Variants in UNC13C observed in about 807,000 individuals in gnomAD.
The protein encoded by UNC13C is protein unc-13 homolog C.
UNC13C carries 174 observed loss-of-function variants against 245.4 expected under a neutral mutation model. The ratio of observed to expected loss-of-function variants is 0.71; its 90% confidence interval spans 0.63 to 0.80. The LOEUF is 0.80. Ranked by LOEUF, UNC13C falls within the 30% of genes least tolerant of loss-of-function variation. UNC13C has a pLI of 0.00. For synonymous variants in UNC13C, 992 were observed against 895.1 expected (o/e 1.11, Z -1.93); for missense variants, 2,829 against 2,602.9 (o/e 1.09, Z -1.89).
intron 24 of UNC13C, among the ~76,000 whole-genome samples, chr15:54,514,581 G>T (rs1894886168): frequency 6.6e-6 from 1 of 152,198 alleles, no homozygotes; most frequent in Admixed American, 6.5e-5. Context: ...TCTAACAACA[G>T]CATTGCTTTC....
chr15:54,008,757 G>T (rs560882142), intron 1 of UNC13C, among the ~76,000 whole-genome samples: 1 of 152,038 alleles, frequency 6.6e-6, no homozygotes, highest in African/African-American at 2.4e-5. Context: ...TGGGTGTAAG[G>T]GTTTGTGTCA....
At chr15:54,302,098 G>T (rs997136685) in intron 13 of UNC13C, among the ~76,000 whole-genome samples, 3 of 152,150 alleles carry the variant, frequency 2.0e-5, no homozygotes, top group Admixed American at 1.3e-4. Flanking sequence ...CTTTTGAGAA[G>T]TGTAAGTACA....
intron 2 of UNC13C, among the ~76,000 whole-genome samples, chr15:54,036,949 G>C (rs546332876): frequency 2.6e-5 from 4 of 152,228 alleles, no homozygotes; most frequent in Non-Finnish European, 4.4e-5. Flanking sequence ...CTTAAGTCAC[G>C]AGAAGCAGGC....
chr15:54,301,454 A>G (rs998579107), intron 13 of UNC13C, among the ~76,000 whole-genome samples: 12 of 151,896 alleles, frequency 7.9e-5, no homozygotes, highest in African/African-American at 2.4e-4. Flanking sequence ...CTACGCCCCA[A>G]CAGGCCCCGG....
chr15:54,237,620 C>A lies in UNC13C; in HGVS notation c.3158C>A (p.Thr1053Asn). 1 of 1,611,090 alleles carries A rather than the reference C, an allele frequency of 6.2e-7. No homozygotes were observed. Among genetic ancestry groups the A allele is most frequent in the South Asian group, 1.1e-5 (1 of 89,990 alleles). ...TLPIVRDVAM[T>N]LAARKSGLSL... ...AAGTCATAATTCTGTTTGTTTTAGA[C>A]CCTGGCTGCCCGGAAATCTGGACTC... The change falls in exon 7 of 33, where the codon ACC (threonine) becomes AAC (asparagine). Residue 1053 changes from threonine (T) to asparagine (N), a missense_variant and splice_region_variant. Thr to Asn is a moderately conservative substitution (Grantham distance 65). Transcript: ENST00000260323.
At chr15:54,379,574 C>T (rs1216578567) in intron 17 of UNC13C, among the ~76,000 whole-genome samples, 1 of 152,024 alleles carries the variant, frequency 6.6e-6, no homozygotes, top group Non-Finnish European at 1.5e-5. Context: ...TTCATAAGAG[C>T]AGTGCTATGT....
At chr15:54,463,634 C>T (rs1596422554) in intron 19 of UNC13C, among the ~76,000 whole-genome samples, 1 of 152,090 alleles carries the variant, frequency 6.6e-6, no homozygotes, top group Admixed American at 6.6e-5. Flanking sequence ...AAGGAAGAAA[C>T]TCCGAACACA....
intron 2 of UNC13C, among the ~76,000 whole-genome samples, chr15:54,107,540 G>C (rs1382339006): frequency 1.3e-5 from 2 of 152,112 alleles, no homozygotes; most frequent in Non-Finnish European, 2.9e-5. Flanking sequence ...CTACAGGAGA[G>C]GAAGTGAAGT....
At chr15:54,137,361 G>A (rs10851557) in intron 2 of UNC13C, among the ~76,000 whole-genome samples, 142,615 of 152,192 alleles carry the variant, frequency 0.94, 67,526 homozygotes, top group East Asian at 1. Context: ...GGCCCATAAA[G>A]TGAGCTGTAA....
At chr15:54,593,380 C>T (rs1898906111) in intron 30 of UNC13C, among the ~76,000 whole-genome samples, 1 of 152,074 alleles carries the variant, frequency 6.6e-6, no homozygotes, top group African/African-American at 2.4e-5. Flanking sequence ...GAGAAGTTTT[C>T]CTCGATTATT....
chr15:54,334,107 G>T (rs1337875023), intron 16 of UNC13C, among the ~76,000 whole-genome samples: 1 of 152,074 alleles, frequency 6.6e-6, no homozygotes, highest in East Asian at 1.9e-4. Context: ...CTTAGAGAAA[G>T]CTCTCTAGTA....
intron 2 of UNC13C, among the ~76,000 whole-genome samples, chr15:54,025,168 C>T (rs570749093): frequency 4.6e-5 from 7 of 152,264 alleles, no homozygotes; most frequent in Non-Finnish European, 7.4e-5. Flanking sequence ...CTCCCTCATC[C>T]CTCCAAGCAT....
At chr15:54,567,668 G>A (rs1319501486) in intron 29 of UNC13C, 132 bp from the exon 30 acceptor site, 2 of 828,294 alleles carry the variant, frequency 2.4e-6, no homozygotes, top group Admixed American at 3.2e-5. Flanking sequence ...ATGGGAAAAT[G>A]ATGGAACCAT....
At chr15:54,133,637 G>C (rs907713002) in intron 2 of UNC13C, among the ~76,000 whole-genome samples, 1 of 152,070 alleles carries the variant, frequency 6.6e-6, no homozygotes, top group African/African-American at 2.4e-5. Context: ...ATTGGGAGCA[G>C]CATTATAGGG....
chr15:54,303,378 C>T (rs1340705269), intron 13 of UNC13C, among the ~76,000 whole-genome samples: 3 of 152,142 alleles, frequency 2.0e-5, no homozygotes, highest in Non-Finnish European at 4.4e-5. Context: ...CAACCTGCTG[C>T]TGGATAGAAT....
chr15:53,856,875 A>G, the UNC13C span, among the ~76,000 whole-genome samples: 3 of 152,074 alleles, frequency 2.0e-5, no homozygotes, highest in South Asian at 2.1e-4. Flanking sequence ...AATGACAGTG[A>G]GGTGTTGAAG....
At chr15:54,071,205 G>A (rs888598670) in intron 2 of UNC13C, among the ~76,000 whole-genome samples, 2 of 152,008 alleles carry the variant, frequency 1.3e-5, no homozygotes, top group African/African-American at 2.4e-5. Context: ...AAAAAAATTT[G>A]TAAACTTGTA....
chr15:54,205,041 A>T (rs2077060729), intron 4 of UNC13C, among the ~76,000 whole-genome samples: 1 of 152,026 alleles, frequency 6.6e-6, no homozygotes, highest in Non-Finnish European at 1.5e-5. Context: ...GAGATATTAT[A>T]AGTAATGGTT....
At position 54,507,584 on chromosome 15, in the gene UNC13C, CAAAT is replaced by C. The variant is rs547049052; in HGVS notation, c.5379+395_5379+398del. ...AAGTGTAATTTAGTCTTTCAGTTTT[CAAAT>C]AAATTGCAAACGTTAATATATGGAA... is the stretch of plus-strand genomic sequence containing the variant. On this transcript the variant is annotated intron_variant, in intron 23 of 32. Coordinates refer to ENST00000260323, the MANE Select transcript of UNC13C (RefSeq NM_001080534.3). Among the ~76,000 whole-genome samples the C allele has an allele frequency of 5.7e-4, 86 of 152,142 alleles. 1 individual carries two copies. Among genetic ancestry groups the C allele is most frequent in the Middle Eastern group, 3.4e-3 (1 of 294 alleles).
Sources: allele counts gnomAD v4.1 joint callset (sites outside exome capture counted in the v4.1 genomes callset), GRCh38; gene constraint gnomAD v4.1.1; transcripts MANE v1.5; gene names NCBI Gene and HGNC (gene_info 2026-07-23, HGNC 2026-07-21).